The following NARS2 variants were observed in gnomAD, a reference collection of about 807,000 sequenced individuals.
NARS2 encodes asparaginyl-tRNA synthetase.
NARS2 carries 60 observed loss-of-function variants against 62.9 expected under a neutral mutation model. The observed-to-expected ratio is 0.95, with a 90% CI of 0.77 to 1.18. The LOEUF is 1.18. Among genes scored for constraint, NARS2 ranks in the 50% most tolerant of loss-of-function variants. The pLI is 0.00. For missense variants in NARS2, 619 were observed against 576.4 expected (o/e 1.07, Z -0.76); for synonymous variants, 196 against 200.0 (o/e 0.98, Z 0.17).
At chr11:78,561,831 G>A (rs1020858584) in intron 4 of NARS2, among the ~76,000 whole-genome samples, 10 of 151,866 alleles carry the variant, frequency 6.6e-5, no homozygotes, top group Admixed American at 1.3e-4. Flanking sequence ...AGGCTGAGGC[G>A]GGTGAATCAC....
intron 5 of NARS2, among the ~76,000 whole-genome samples, chr11:78,549,224 T>A (rs1365869036): frequency 6.6e-6 from 1 of 152,164 alleles, no homozygotes; most frequent in Non-Finnish European, 1.5e-5. Flanking sequence ...GGGGGTTCCA[T>A]GCCAGGAGAG....
In NARS2 at chr11:78,528,910, C is replaced by T. The variant is rs1053562167; in HGVS notation, c.621G>A (p.Glu207=). Residue 207 remains glutamate (E), a synonymous_variant, in exon 6 of 14, where the codon GAG becomes GAA. Coordinates refer to ENST00000281038, the MANE Select transcript of NARS2 (RefSeq NM_024678.6). ...LEPSGKLKVP[E]ENFFNVPAFL... is the part of the protein sequence containing the mutation. ...AAGCAGGAACATTGAAGAAATTCTC[C>T]TCAGGTACCTTAAGTTTGCCTGAAG... 12 of 1,612,168 alleles carry T rather than the reference C, an allele frequency of 7.4e-6. No individual in the cohort carries two copies. In the African/African-American group the frequency reaches 9.3e-5, roughly 13 times the overall value.
chr11:78,476,705 G>C (rs555910556), intron 9 of NARS2, among the ~76,000 whole-genome samples: 199 of 152,326 alleles, frequency 1.3e-3, no homozygotes, highest in Admixed American at 3.5e-3. Context: ...ATGCAGAATG[G>C]ATTATGACAA....
chr11:78,489,167 T>C (rs977651503), intron 7 of NARS2, among the ~76,000 whole-genome samples: 3 of 152,064 alleles, frequency 2.0e-5, no homozygotes, highest in Admixed American at 6.5e-5. Flanking sequence ...AGCTACTTAT[T>C]AGGAGAACAC....
Position 78,478,432 on chromosome 11 carries a change from A to G in NARS2, c.959+6T>C. The G allele has an allele frequency of 9.6e-7, 1 of 1,042,384 alleles. No individual in the cohort carries two copies. The highest frequency in any genetic ancestry group is 1.4e-6 in the Non-Finnish European group (1 of 733,492). 64.6% of individuals were successfully genotyped at this position (1,042,384 alleles called of 1,614,324 possible). A position where few individuals can be genotyped will look rare whatever the true frequency, so the allele number is the denominator to read the frequency against. On this transcript the variant is annotated splice_donor_region_variant and intron_variant, in intron 9 of 13. Coordinates refer to ENST00000281038, the MANE Select transcript of NARS2 (RefSeq NM_024678.6). Reference sequence around the variant, plus strand: ...ATAAAGTTCAAAAAGTATAACATCTACTTACATTAAAAAGTTGTTTTTTAG... The same window carrying G: ...ATAAAGTTCAAAAAGTATAACATCTGCTTACATTAAAAAGTTGTTTTTTAG...
intron 5 of NARS2, among the ~76,000 whole-genome samples, chr11:78,554,883 T>C (rs1299698133): frequency 6.6e-6 from 1 of 152,244 alleles, no homozygotes. Context: ...GCCCATTTGG[T>C]ATAATGTTGG....
intron 6 of NARS2, 143 bp from the exon 7 acceptor site, chr11:78,493,338 T>C: frequency 1.4e-6 from 1 of 724,376 alleles, no homozygotes; most frequent in African/African-American, 1.8e-5. Context: ...CTGCTACATA[T>C]TTCTCTAATA....
chr11:78,531,310 T>G (rs1861469410), intron 5 of NARS2, among the ~76,000 whole-genome samples: 1 of 151,704 alleles, frequency 6.6e-6, no homozygotes, highest in Non-Finnish European at 1.5e-5. Flanking sequence ...TTCTCCAGAG[T>G]AGACCATATA....
chr11:78,570,341 A>T (rs1856881446), intron 2 of NARS2, among the ~76,000 whole-genome samples: 1 of 152,166 alleles, frequency 6.6e-6, no homozygotes, highest in South Asian at 2.1e-4. Flanking sequence ...AAATTAGAAT[A>T]ATGTTCTCTT....
chr11:78,439,288 C>T (rs1857503998), intron 13 of NARS2, among the ~76,000 whole-genome samples: 1 of 152,142 alleles, frequency 6.6e-6, no homozygotes, highest in African/African-American at 2.4e-5. Flanking sequence ...ATCCACCTGC[C>T]TTGGCCTCCC....
intron 1 of NARS2, among the ~76,000 whole-genome samples, chr11:78,572,316 C>A (rs190788591): frequency 0.014 from 2,164 of 152,266 alleles, 56 homozygotes; most frequent in African/African-American, 0.05. Flanking sequence ...GCTACTTAAT[C>A]ATCAGAAAAA....
At chr11:78,522,414 C>T (rs998091561) in intron 6 of NARS2, among the ~76,000 whole-genome samples, 1 of 152,170 alleles carries the variant, frequency 6.6e-6, no homozygotes, top group African/African-American at 2.4e-5. Flanking sequence ...AAATTCAGTA[C>T]TTCCATCCAA....
intron 6 of NARS2, among the ~76,000 whole-genome samples, chr11:78,523,942 T>C (rs1861214047): frequency 6.6e-6 from 1 of 152,164 alleles, no homozygotes; most frequent in Non-Finnish European, 1.5e-5. Context: ...CTTCAAAATA[T>C]GCTAAAACCC....
Position 78,461,110 on chromosome 11 carries a change from G to T in NARS2, c.1164+4766C>A, listed in dbSNP as rs986508256. Among the ~76,000 whole-genome samples the T allele has an allele frequency of 3.3e-5, 5 of 152,294 alleles. No individual in the cohort carries two copies. In the South Asian group the frequency reaches 6.2e-4, roughly 19 times the overall value. ...CTATCTGAGAGGGGGCTAGTGGGTA[G>T]GGTGTCCTGGAACCAATCCCTGAGG... On this transcript the variant is annotated intron_variant, in intron 11 of 13. Coordinates refer to ENST00000281038, the MANE Select transcript of NARS2 (RefSeq NM_024678.6).
Position 78,443,641 on chromosome 11 carries a change from CTT to C in NARS2, c.1262+18_1262+19del. 1 of 1,570,788 alleles carries C rather than the reference CTT, an allele frequency of 6.4e-7. No individual in the cohort carries two copies. Among genetic ancestry groups the C allele is most frequent in the Non-Finnish European group, 8.8e-7 (1 of 1,141,762 alleles). On this transcript the variant is annotated intron_variant, in intron 12 of 13. Coordinates refer to ENST00000281038, the MANE Select transcript of NARS2 (RefSeq NM_024678.6). ...TATGCTCAATTTCTCAATTGTGTTT[CTT>C]TTAGGTCTGACCAGTACCTGGCTAA... is the stretch of plus-strand genomic sequence containing the variant.
At chr11:78,478,819 T>C in intron 7 of NARS2, 136 bp from the exon 8 acceptor site, 1 of 473,844 alleles carries the variant, frequency 2.1e-6, no homozygotes, top group Non-Finnish European at 3.7e-6. Context: ...GAATGTACCA[T>C]GGAAAATTGG....
chr11:78,444,043 C>T lies in NARS2; in HGVS notation c.1165-285G>A, dbSNP rs558979175. The T allele has an allele frequency of 1.7e-4, 33 of 191,528 alleles. 1 individual carries two copies. The East Asian group carries it at 3.0e-3, about 18-fold the overall frequency. 11.9% of individuals were successfully genotyped at this position (191,528 alleles called of 1,614,324 possible). On this transcript the variant is annotated intron_variant, in intron 11 of 13. Transcript: ENST00000281038. ...AACATTAAAAATCACCTATCAGTAC[C>T]AGAAAATTACATTTTTGTGGATTTC...
chr11:78,507,220 T>A (rs1193483592), intron 6 of NARS2, among the ~76,000 whole-genome samples: 1 of 145,568 alleles, frequency 6.9e-6, no homozygotes, highest in African/African-American at 2.5e-5. Context: ...TCATTTTTCT[T>A]TTATTTTCCT....
chr11:78,564,576 GTA>G (rs1490448771), intron 4 of NARS2, among the ~76,000 whole-genome samples: 7 of 152,074 alleles, frequency 4.6e-5, no homozygotes, highest in African/African-American at 1.7e-4. Context: ...AGTAATCAAT[GTA>G]TAGTGTAGTC....
Sources: gnomAD v4.1 joint callset for allele counts (sites outside exome capture counted in the v4.1 genomes callset) on GRCh38, gnomAD v4.1.1 for gene constraint, MANE v1.5 for transcripts, NCBI Gene and HGNC (gene_info 2026-07-23, HGNC 2026-07-21) for gene names.